TEX11: variants seen among roughly 807,000 people sequenced by gnomAD.
The protein encoded by TEX11 is testis expressed 11.
In TEX11, 7 loss-of-function variants were observed where a neutral mutation model predicts 84.4. That is an observed-to-expected ratio of 0.08 (90% confidence interval 0.05 to 0.16). The LOEUF is 0.16. TEX11 is among the 10% of genes least tolerant of loss of function. The pLI is 1.00. For synonymous variants in TEX11, 264 were observed against 222.8 expected (o/e 1.18, Z -1.64); for missense variants, 551 against 660.5 (o/e 0.83, Z 1.82).
rs924323633 is a variant in TEX11, at chrX:70,730,361, T to C, written c.844-5018A>G. Among the ~76,000 whole-genome samples the C allele has an allele frequency of 2.0e-4, 22 of 111,593 alleles. No homozygotes were observed. The South Asian group carries it at 2.7e-3, about 13-fold the overall frequency. On this transcript the variant is annotated intron_variant, in intron 11 of 29. Transcript: ENST00000374333. ...CAATTAAAAGACACAGACTGGCAAATTGGATAAAGAGTCAAGACCCATCAG... is the reference window on the plus strand; with the variant it reads ...CAATTAAAAGACACAGACTGGCAAACTGGATAAAGAGTCAAGACCCATCAG...
intron 25 of TEX11, among the ~76,000 whole-genome samples, chrX:70,581,034 C>T (rs1309260940): frequency 9.0e-6 from 1 of 111,337 alleles, no homozygotes; most frequent in African/African-American, 3.3e-5. Flanking sequence ...CAGGGTCTCA[C>T]TCTGTCACCC....
downstream of TEX11, among the ~76,000 whole-genome samples, chrX:70,524,714 C>T (rs4844235): frequency 0.078 from 8,747 of 111,810 alleles, 413 homozygotes; most frequent in Admixed American, 0.25. Context: ...TATAGGCATG[C>T]GCCACCACGT....
intron 2 of TEX11, among the ~76,000 whole-genome samples, chrX:70,907,056 C>A (rs2091837761): frequency 9.0e-6 from 1 of 111,289 alleles, no homozygotes; most frequent in Non-Finnish European, 1.9e-5. Flanking sequence ...ACATGGATTA[C>A]CAATTTTCAA....
chrX:70,673,424 T>C (rs998890748), intron 15 of TEX11: 1 of 111,867 alleles, frequency 8.9e-6, no homozygotes, highest in Non-Finnish European at 1.9e-5. Context: ...CACTTGGCTT[T>C]CTACCATATT....
chrX:70,888,766 C>T (rs1024126599), intron 2 of TEX11, among the ~76,000 whole-genome samples: 2 of 111,194 alleles, frequency 1.8e-5, no homozygotes, highest in Non-Finnish European at 3.8e-5. Context: ...AAGAAAACCA[C>T]CTTAAGGCAT....
intron 9 of TEX11, among the ~76,000 whole-genome samples, chrX:70,783,036 CA>C (rs1314639831): frequency 1.8e-5 from 2 of 111,555 alleles, no homozygotes; most frequent in Non-Finnish European, 3.8e-5. Flanking sequence ...ACATTCTTCT[CA>C]GCACCACATC....
intron 13 of TEX11, among the ~76,000 whole-genome samples, chrX:70,712,057 C>A (rs79799689): frequency 0.53 from 58,208 of 110,001 alleles, 12,636 homozygotes; most frequent in Middle Eastern, 0.72. Flanking sequence ...ATCCTTTCCC[C>A]ATTTCTTGTT....
At chrX:70,874,603 T>C (rs1041221273) in intron 3 of TEX11, among the ~76,000 whole-genome samples, 2 of 107,278 alleles carry the variant, frequency 1.9e-5, no homozygotes, top group African/African-American at 6.8e-5. Flanking sequence ...GGTTTCACCA[T>C]GTAGGCCAGA....
chrX:70,606,414 C>T (rs1349093184), intron 23 of TEX11, among the ~76,000 whole-genome samples: 1 of 112,038 alleles, frequency 8.9e-6, no homozygotes, highest in African/African-American at 3.2e-5. Flanking sequence ...CATTTAACCT[C>T]TACCTTGGAG....
chrX:70,714,076 T>C (rs2090470042), intron 13 of TEX11, among the ~76,000 whole-genome samples: 1 of 111,968 alleles, frequency 8.9e-6, no homozygotes, highest in Non-Finnish European at 1.9e-5. Context: ...GAGCAGGTTG[T>C]TCAGTTTCTG....
chrX:70,888,510 G>A (rs1253890505), intron 2 of TEX11, among the ~76,000 whole-genome samples: 1 of 111,838 alleles, frequency 8.9e-6, no homozygotes, highest in South Asian at 3.7e-4. Context: ...AAGACAGGCT[G>A]TTTGAAAATA....
chrX:70,599,937 G>T (rs1192389857), intron 24 of TEX11, among the ~76,000 whole-genome samples: 13 of 108,023 alleles, frequency 1.2e-4, no homozygotes, highest in Non-Finnish European at 2.1e-4. Context: ...CATTTGGGTT[G>T]GTTCCTAGCC....
intron 9 of TEX11, among the ~76,000 whole-genome samples, chrX:70,781,660 C>T (rs1347305399): frequency 2.7e-5 from 3 of 111,773 alleles, no homozygotes; most frequent in Non-Finnish European, 5.6e-5. Context: ...ACGAAAACTT[C>T]GTGACACATG....
intron 8 of TEX11, among the ~76,000 whole-genome samples, chrX:70,819,059 TAAAAG>T (rs1216555054): frequency 9.0e-6 from 1 of 111,515 alleles, no homozygotes; most frequent in Non-Finnish European, 1.9e-5. Flanking sequence ...TTCCAAAAAA[TAAAAG>T]AAGAGGGAAT....
chrX:70,670,392 C>A lies in TEX11; in HGVS notation c.1365G>T (p.Leu455Phe). 8.3e-7 allele frequency: 1 copy of A among 1,206,493 alleles called. No individual in the cohort carries two copies. Among genetic ancestry groups the A allele is most frequent in the Middle Eastern group, 2.3e-4 (1 of 4,330 alleles). ...ATCAAAGGACCTTATCAAGTTGTTG[C>A]AAATTCAGGTAACAGCAAGCCATGT... Reference protein sequence around the residue: ...QRNMACCYLNLQQLDKAKEAV... With the variant: ...QRNMACCYLNFQQLDKAKEAV... The change falls in exon 16 of 30, where the codon TTG (leucine) becomes TTT (phenylalanine). Residue 455 changes from leucine to phenylalanine, a missense_variant. Leu to Phe is a conservative substitution (Grantham distance 22). Coordinates refer to ENST00000374333, the MANE Select transcript of TEX11 (RefSeq NM_031276.3).
chrX:70,904,475 T>C (rs927994738), intron 2 of TEX11, among the ~76,000 whole-genome samples: 1 of 112,225 alleles, frequency 8.9e-6, no homozygotes, highest in Non-Finnish European at 1.9e-5. Flanking sequence ...AGTAAAATGG[T>C]AAATAAAAAT....
the TEX11 span, among the ~76,000 whole-genome samples, chrX:70,519,154 TATG>T: frequency 8.9e-6 from 1 of 112,030 alleles, no homozygotes; most frequent in Non-Finnish European, 1.9e-5. Flanking sequence ...ATCCCATCAT[TATG>T]ATATTAGCTG....
intron 13 of TEX11, among the ~76,000 whole-genome samples, chrX:70,688,404 T>C (rs1249116738): frequency 9.0e-6 from 1 of 111,208 alleles, no homozygotes; most frequent in Non-Finnish European, 1.9e-5. Flanking sequence ...AATAGGTAAA[T>C]AGATAAACAA....
intron 2 of TEX11, among the ~76,000 whole-genome samples, chrX:70,906,785 C>CAAAA (rs148894362): frequency 9.3e-6 from 1 of 107,889 alleles, no homozygotes; most frequent in Non-Finnish European, 1.9e-5. Flanking sequence ...AAAACTGTCT[C>CAAAA]AACAAACAAA....
Sources: gnomAD v4.1 joint callset for allele counts (sites outside exome capture counted in the v4.1 genomes callset) on GRCh38, gnomAD v4.1.1 for gene constraint, MANE v1.5 for transcripts, NCBI Gene and HGNC (gene_info 2026-07-23, HGNC 2026-07-21) for gene names.